Variants in ST7 observed in about 807,000 individuals in gnomAD.
The protein encoded by ST7 is suppression of tumorigenicity 7, also known as suppressor of tumorigenicity 7 protein.
ST7 carries 28 observed loss-of-function variants against 78.7 expected under a neutral mutation model. The observed-to-expected ratio is 0.36, with a 90% CI of 0.26 to 0.49. The LOEUF (loss-of-function observed/expected upper bound fraction) is 0.49. Ranked by LOEUF, ST7 falls within the 20% of genes least tolerant of loss-of-function variation. The pLI is 0.99. For missense variants in ST7, 418 were observed against 696.0 expected, an observed-to-expected ratio of 0.60 and a Z score of 4.49; for synonymous variants, 247 against 249.6, an observed-to-expected ratio of 0.99 and a Z score of 0.10.
intron 1 of ST7, among the ~76,000 whole-genome samples, chr7:116,978,278 G>A (rs1793794473): frequency 6.6e-6 from 1 of 152,206 alleles, no homozygotes; most frequent in Non-Finnish European, 1.5e-5. Flanking sequence ...CAGGTGTGAA[G>A]TTTTCTGATA....
Position 117,100,606 on chromosome 7 carries a change from T to C in ST7, c.234+762T>C, listed in dbSNP as rs140644793. Reference sequence around the variant, plus strand: ...TTCTAAGTTTTTTTTCCCTTCATCTTCTTTTCTTTCTAAATTTACATTTAT... The same window carrying C: ...TTCTAAGTTTTTTTTCCCTTCATCTCCTTTTCTTTCTAAATTTACATTTAT... On this transcript the variant is annotated intron_variant, in intron 2 of 15. Coordinates refer to ENST00000323984, the MANE Select transcript of ST7 (RefSeq NM_001369598.1). 2.5e-3 allele frequency among the ~76,000 whole-genome samples: 385 copies of C among 152,262 alleles called. 1 individual carries two copies. The highest frequency in any genetic ancestry group is 8.5e-3 in the African/African-American group (352 of 41,556).
Position 117,023,934 on chromosome 7 carries a change from C to T in ST7, c.151+70243C>T, listed in dbSNP as rs373211710. Among the ~76,000 whole-genome samples, 12 of 152,050 alleles carry T rather than the reference C, an allele frequency of 7.9e-5. No homozygotes were observed. In the East Asian group the frequency reaches 1.2e-3, roughly 15 times the overall value. ...AAGTGATTTTCCTGCCTCAGCCTCC[C>T]GAGTAGCTGGGACTACAGGCATGTG... On this transcript the variant is annotated intron_variant, in intron 1 of 15. Transcript: ENST00000323984.
chr7:117,119,563 A>T lies in ST7; in HGVS notation c.237A>T (p.Ile79=). 1 of 1,612,168 alleles carries T rather than the reference A, an allele frequency of 6.2e-7. No individual in the cohort carries two copies. The highest frequency in any genetic ancestry group is 8.5e-7 in the Non-Finnish European group (1 of 1,179,642). Residue 79 remains isoleucine, a splice_region_variant and synonymous_variant, in exon 3 of 16, where the codon ATA becomes ATT. Transcript: ENST00000323984. ...ACACGCTTATTTTTCTGTTCTAGATATTTGAATGGTGGTATTTTCGCAAAT... is the reference window on the plus strand; with the variant it reads ...ACACGCTTATTTTTCTGTTCTAGATTTTTGAATGGTGGTATTTTCGCAAAT... ...TSSLISGLIL[I]FEWWYFRKYG...
intron 9 of ST7, among the ~76,000 whole-genome samples, chr7:117,152,865 A>G (rs1398687947): frequency 6.6e-6 from 1 of 152,184 alleles, no homozygotes; most frequent in Admixed American, 6.6e-5. Context: ...AGAGTACAAC[A>G]CATGTCTGTC....
chr7:117,062,816 C>T (rs1429743889), intron 1 of ST7, among the ~76,000 whole-genome samples: 2 of 152,172 alleles, frequency 1.3e-5, no homozygotes, highest in African/African-American at 4.8e-5. Context: ...TTGGCTAGCA[C>T]TCCTGTGACC....
At chr7:117,100,400 G>A (rs911470697) in intron 2 of ST7, among the ~76,000 whole-genome samples, 4 of 152,152 alleles carry the variant, frequency 2.6e-5, no homozygotes, top group South Asian at 4.2e-4. Context: ...GGTTGAACCC[G>A]GGAGGCAGAG....
At chr7:117,225,514 C>T (rs1432771682) in intron 15 of ST7, among the ~76,000 whole-genome samples, 1 of 152,128 alleles carries the variant, frequency 6.6e-6, no homozygotes. Flanking sequence ...AGCCCCTTCT[C>T]CCGCCGCCTC....
intron 1 of ST7, among the ~76,000 whole-genome samples, chr7:117,019,160 G>T (rs990847674): frequency 2.6e-5 from 4 of 152,160 alleles, no homozygotes; most frequent in African/African-American, 9.7e-5. Context: ...GGATGAATGG[G>T]TGGAGAGGAG....
At chr7:117,028,501 G>T (rs776124493) in intron 1 of ST7, among the ~76,000 whole-genome samples, 5 of 152,178 alleles carry the variant, frequency 3.3e-5, no homozygotes, top group Admixed American at 6.5e-5. Flanking sequence ...CTAGTTTTCA[G>T]GGGGAGGCTT....
At chr7:117,003,149 A>G (rs996380537) in intron 1 of ST7, among the ~76,000 whole-genome samples, 2 of 148,848 alleles carry the variant, frequency 1.3e-5, no homozygotes, top group African/African-American at 4.9e-5. Context: ...GAATGTGTGT[A>G]TTATTATTAT....
intron 1 of ST7, among the ~76,000 whole-genome samples, chr7:117,023,395 A>G (rs1462378879): frequency 2.0e-5 from 3 of 152,176 alleles, no homozygotes; most frequent in Non-Finnish European, 4.4e-5. Flanking sequence ...GCTTTCATCA[A>G]TATCTCCAAT....
intron 1 of ST7, among the ~76,000 whole-genome samples, chr7:117,055,087 A>G (rs545298176): frequency 6.6e-6 from 1 of 152,372 alleles, no homozygotes; most frequent in Admixed American, 6.5e-5. Context: ...TTGCTCAATT[A>G]CTAAAAAGTA....
At chr7:117,070,339 C>G (rs1382913478) in intron 1 of ST7, among the ~76,000 whole-genome samples, 1 of 152,026 alleles carries the variant, frequency 6.6e-6, no homozygotes, top group South Asian at 2.1e-4. Context: ...AGACGATGAA[C>G]CATAAAATAT....
At chr7:117,042,280 C>A (rs544514930) in intron 1 of ST7, among the ~76,000 whole-genome samples, 1 of 152,122 alleles carries the variant, frequency 6.6e-6, no homozygotes, top group Non-Finnish European at 1.5e-5. Context: ...TTAAATAATT[C>A]TCTACTGATG....
At chr7:117,228,037 A>G (rs529878643) in intron 15 of ST7, among the ~76,000 whole-genome samples, 1 of 152,208 alleles carries the variant, frequency 6.6e-6, no homozygotes, top group African/African-American at 2.4e-5. Context: ...ACCATTTACT[A>G]CCTTCTGGTA....
chr7:117,213,256 A>G (rs1005591170), intron 13 of ST7, among the ~76,000 whole-genome samples: 4 of 152,166 alleles, frequency 2.6e-5, no homozygotes, highest in Non-Finnish European at 5.9e-5. Flanking sequence ...AATCATTTTT[A>G]TCTTCATTCT....
Position 117,097,880 on chromosome 7 carries a change from CTATATA to C in ST7, c.152-1858_152-1853del, listed in dbSNP as rs373598650. 6.2e-3 allele frequency among the ~76,000 whole-genome samples: 66 copies of C among 10,590 alleles called. 3 individuals are homozygous for C. The highest frequency in any genetic ancestry group is 7.4e-3 in the Non-Finnish European group (29 of 3,914). The allele number at this position is 10,590 out of a possible 152,430, so 6.9% of individuals were successfully genotyped here. A position where few individuals can be genotyped will look rare whatever the true frequency, so the allele number is the denominator to read the frequency against. On this transcript the variant is annotated intron_variant, in intron 1 of 15. Transcript: ENST00000323984. Reference sequence around the variant, plus strand: ...CACTATATATATATATGACATATCACTATATATATATATATATATATATATATATTT... The same window carrying C: ...CACTATATATATATATGACATATCACTATATATATATATATATATATATTT...
chr7:117,115,845 A>G (rs1295926215), intron 2 of ST7, among the ~76,000 whole-genome samples: 1 of 152,170 alleles, frequency 6.6e-6, no homozygotes, highest in African/African-American at 2.4e-5. Context: ...GATTTAGACA[A>G]TCTCCTGTTA....
chr7:117,093,533 C>A (rs756093973), intron 1 of ST7, among the ~76,000 whole-genome samples: 4 of 152,124 alleles, frequency 2.6e-5, no homozygotes, highest in Non-Finnish European at 5.9e-5. Context: ...AAACCCGCAT[C>A]TCTACTAAAA....
Sources: allele counts gnomAD v4.1 joint callset (sites outside exome capture counted in the v4.1 genomes callset), GRCh38; gene constraint gnomAD v4.1.1; transcripts MANE v1.5; gene names NCBI Gene and HGNC (gene_info 2026-07-23, HGNC 2026-07-21).